APC2: variants seen among roughly 807,000 people sequenced by gnomAD.
APC2 encodes the protein APC regulator of Wnt signaling pathway 2.
In APC2, 41 loss-of-function variants were observed where a neutral mutation model predicts 72.5. The observed-to-expected ratio is 0.57, with a 90% CI of 0.44 to 0.73. The LOEUF is 0.73. Ranked by LOEUF, APC2 falls within the 30% of genes least tolerant of loss-of-function variation. The probability of loss-of-function intolerance (pLI) is 0.00; values close to 1 mark genes in which losing one functional copy is unlikely to be tolerated. For synonymous variants in APC2, 1,898 were observed against 1,612.0 expected (o/e 1.18, Z -4.25); for missense variants, 3,729 against 3,403.4 (o/e 1.10, Z -2.38).
chr19:1,456,763 G>T, intron 8 of APC2, 90 bp from the exon 9 acceptor site: 1 of 1,453,672 alleles, frequency 6.9e-7, no homozygotes, highest in South Asian at 1.3e-5. Context: ...TGCCCTTGGG[G>T]ACGGGGCAGG....
intron 6 of APC2, 135 bp downstream of exon 6, chr19:1,455,635 C>T (rs2083811289): frequency 1.1e-6 from 1 of 883,204 alleles, no homozygotes; most frequent in South Asian, 1.6e-5. Context: ...GGCGCGGGTT[C>T]TGGTTCAGGA....
chr19:1,453,377 T>C (rs1569138709), intron 3 of APC2, 40 bp downstream of exon 3: 2 of 1,610,860 alleles, frequency 1.2e-6, no homozygotes, highest in Admixed American at 1.7e-5. Context: ...TGGGGGAGGC[T>C]GGGGGGAAAG....
chr19:1,461,182 T>G lies in APC2; in HGVS notation c.1638+29T>G, dbSNP rs2083917080. 3.8e-6 allele frequency: 6 copies of G among 1,577,950 alleles called. No individual in the cohort carries two copies. In the East Asian group the frequency reaches 1.3e-4, roughly 35 times the overall value. ...GGCACCCGGTGGGCGGCAGGGATGC[T>G]TCTTCAGTCACTGGAAGGAGACTGC... is the stretch of plus-strand genomic sequence containing the variant. On this transcript the variant is annotated intron_variant, in intron 13 of 14. Coordinates refer to ENST00000590469, the MANE Select transcript of APC2 (RefSeq NM_005883.3).
intron 9 of APC2, chr19:1,457,746 GC>G: frequency 1.7e-6 from 1 of 598,388 alleles, no homozygotes; most frequent in Non-Finnish European, 3.0e-6. Context: ...AAGGTGTGGT[GC>G]TCCAGGAACT....
intron 14 of APC2, among the ~76,000 whole-genome samples, chr19:1,463,144 G>A (rs773896023): frequency 1.1e-4 from 16 of 150,614 alleles, no homozygotes; most frequent in Non-Finnish European, 1.6e-4. Flanking sequence ...GGTGTGGGCC[G>A]GGCGTGGTGG....
At chr19:1,460,981 G>A in intron 12 of APC2, 56 bp from the exon 13 acceptor site, 1 of 1,603,584 alleles carries the variant, frequency 6.2e-7, no homozygotes, top group Non-Finnish European at 8.5e-7. Flanking sequence ...CATTTGCTGG[G>A]GGGTTTGGGG....
At chr19:1,463,498 G>T (rs2083959056) in intron 14 of APC2, among the ~76,000 whole-genome samples, 1 of 151,038 alleles carries the variant, frequency 6.6e-6, no homozygotes. Context: ...CAGGAGAATT[G>T]CTTGAGTCTG....
Position 1,466,584 on chromosome 19 carries a change from T to A in APC2, c.3283T>A (p.Ser1095Thr). 6.4e-7 allele frequency: 1 copy of A among 1,571,740 alleles called. No individual in the cohort carries two copies. Among genetic ancestry groups the A allele is most frequent in the Non-Finnish European group, 8.6e-7 (1 of 1,166,214 alleles). The change falls in exon 15 of 15, where the codon TCC (serine) becomes ACC (threonine). Residue 1095 changes from serine to threonine, a missense_variant. Coordinates refer to ENST00000590469, the MANE Select transcript of APC2 (RefSeq NM_005883.3). The part of the protein sequence containing the change: ...SEGGDLDDSD[S>T]SLEGLEEAGP... ...GGGTGGTGACCTGGATGACAGTGAC[T>A]CCTCCCTGGAGGGGCTGGAGGAGGC...
In APC2 at chr19:1,460,293, C is replaced by T. The variant is rs2083902318; in HGVS notation, c.1416C>T (p.Asn472=). 6.2e-7 allele frequency: 1 copy of T among 1,613,502 alleles called. No individual in the cohort carries two copies. The highest frequency in any genetic ancestry group is 2.2e-5 in the East Asian group (1 of 44,880). Residue 472 remains asparagine (N), a synonymous_variant, in exon 11 of 15, where the codon AAC becomes AAT. Coordinates refer to ENST00000590469, the MANE Select transcript of APC2 (RefSeq NM_005883.3). ...GCTACGCGGGCATGACCCTCACCAA[C>T]CTCACCTTTGGGGACGTTGCCAACA... The part of the protein sequence containing the change: ...LRRYAGMTLT[N]LTFGDVANKA...
rs781675307 is a variant in APC2, at chr19:1,466,273, G to T, written c.2972G>T (p.Arg991Leu). 53 of 1,525,080 alleles carry T rather than the reference G, an allele frequency of 3.5e-5. No individual in the cohort carries two copies. In the South Asian group the frequency reaches 6.3e-4, roughly 18 times the overall value. The allele number at this position is 1,525,080 out of a possible 1,614,324, so 94.5% of individuals were successfully genotyped here. The change falls in exon 15 of 15, where the codon CGC becomes CTC. Residue 991 changes from arginine (R) to leucine (L), a missense_variant. Coordinates refer to ENST00000590469, the MANE Select transcript of APC2 (RefSeq NM_005883.3). ...GCCACCTCCGCCGACGCCCGCGTGC[G>T]CACCATCAAGCTGTCGCCTACCTAT... is the stretch of plus-strand genomic sequence containing the variant. Reference protein sequence around the residue: ...REATSADARVRTIKLSPTYQH... With the variant: ...REATSADARVLTIKLSPTYQH...
In APC2 at chr19:1,466,404, C is replaced by T; in HGVS notation, c.3103C>T (p.His1035Tyr). The T allele has an allele frequency of 1.3e-6, 2 of 1,594,562 alleles. No homozygotes were observed. The highest frequency in any genetic ancestry group is 1.1e-5 in the South Asian group (1 of 90,614). The change falls in exon 15 of 15, where the codon CAC becomes TAC. Residue 1035 changes from histidine to tyrosine, a missense_variant. By Grantham distance (83) the His-to-Tyr change is moderately conservative (BLOSUM62 2). Coordinates refer to ENST00000590469, the MANE Select transcript of APC2 (RefSeq NM_005883.3). ...ARKQAWLPAD[H>Y]LSKVPEKLAA... ...GAAGCAGGCCTGGCTGCCGGCAGACCACCTGAGCAAGGTTCCCGAGAAGCT... is the reference window on the plus strand; with the variant it reads ...GAAGCAGGCCTGGCTGCCGGCAGACTACCTGAGCAAGGTTCCCGAGAAGCT...
In APC2 at chr19:1,471,069, T is replaced by C. The variant is rs1293703691; in HGVS notation, c.*856T>C. ...CGACCCCAAGGGTCGCTGGAGTCAGTATCGGCCCGGCGCAGCCGCGGCGGG... is the reference window on the plus strand; with the variant it reads ...CGACCCCAAGGGTCGCTGGAGTCAGCATCGGCCCGGCGCAGCCGCGGCGGG... On this transcript the variant is annotated 3_prime_UTR_variant, in exon 15 of 15. Transcript: ENST00000590469. The C allele has an allele frequency of 6.6e-6, 1 of 151,320 alleles. No homozygotes were observed. Among genetic ancestry groups the C allele is most frequent in the African/African-American group, 2.4e-5 (1 of 41,134 alleles). 9.4% of individuals were successfully genotyped at this position (151,320 alleles called of 1,614,324 possible).
intron 6 of APC2, 150 bp from the exon 7 acceptor site, chr19:1,455,926 G>A: frequency 6.4e-6 from 1 of 156,064 alleles, no homozygotes; most frequent in South Asian, 7.5e-5. Context: ...GCTGGATCAG[G>A]GAGAAGGCAG....
rs1253855892 is a variant in APC2, at chr19:1,467,605, C to T, written c.4304C>T (p.Ala1435Val). ...AGACCCACCGGCCGCCCCACCTCTG[C>T]CAGACAGGCCATGGGGCACCGGCAC... The part of the protein sequence containing the change: ...RQRPTGRPTS[A>V]RQAMGHRHKA... Residue 1435 changes from alanine to valine, a missense_variant, in exon 15 of 15, where the codon GCC (alanine) becomes GTC (valine). Coordinates refer to ENST00000590469, the MANE Select transcript of APC2 (RefSeq NM_005883.3). The T allele has an allele frequency of 6.6e-7, 1 of 1,508,456 alleles. No individual in the cohort carries two copies. The highest frequency in any genetic ancestry group is 2.6e-5 in the East Asian group (1 of 37,984). The allele number at this position is 1,508,456 out of a possible 1,614,324, so 93.4% of individuals were successfully genotyped here. A position where few individuals can be genotyped will look rare whatever the true frequency, so the allele number is the denominator to read the frequency against.
Position 1,465,977 on chromosome 19 carries a change from C to T in APC2, c.2676C>T (p.Cys892=). 1.3e-6 allele frequency: 2 copies of T among 1,538,750 alleles called. No homozygotes were observed. The highest frequency in any genetic ancestry group is 1.7e-6 in the Non-Finnish European group (2 of 1,152,146). The part of the protein sequence containing the change: ...EAPREGRAQS[C]SPCRGPEGGR... ...CACGGGAGGGCCGCGCCCAGTCCTG[C>T]TCGCCATGCCGCGGCCCGGAGGGCG... Residue 892 remains cysteine (C), a synonymous_variant, in exon 15 of 15, where the codon TGC becomes TGT. Coordinates refer to ENST00000590469, the MANE Select transcript of APC2 (RefSeq NM_005883.3).
chr19:1,456,704 G>T, intron 8 of APC2, 149 bp from the exon 9 acceptor site: 1 of 1,089,736 alleles, frequency 9.2e-7, no homozygotes, highest in Non-Finnish European at 1.3e-6. Context: ...CGAAGCACGT[G>T]TGCAGCCTCC....
chr19:1,470,035 T>G lies in APC2; in HGVS notation c.6734T>G (p.Val2245Gly), dbSNP rs1420809529. 6.4e-7 allele frequency: 1 copy of G among 1,565,866 alleles called. No individual in the cohort carries two copies. The highest frequency in any genetic ancestry group is 8.6e-7 in the Non-Finnish European group (1 of 1,161,208). Residue 2245 changes from valine to glycine, a missense_variant, in exon 15 of 15, where the codon GTG becomes GGG. By Grantham distance (109) the Val-to-Gly change is moderately radical. Transcript: ENST00000590469. ...AAGGCTCCCATCTCCGCACCCTTCGTGCACGAGGGCCTGGGGGTCGCCGTG... is the reference window on the plus strand; with the variant it reads ...AAGGCTCCCATCTCCGCACCCTTCGGGCACGAGGGCCTGGGGGTCGCCGTG... ...LAKAPISAPF[V>G]HEGLGVAVGG...
At position 1,468,806 on chromosome 19, in the gene APC2, C is replaced by G; in HGVS notation, c.5505C>G (p.Pro1835=). 1 of 1,534,130 alleles carries G rather than the reference C, an allele frequency of 6.5e-7. No homozygotes were observed. Among genetic ancestry groups the G allele is most frequent in the Non-Finnish European group, 8.7e-7 (1 of 1,144,084 alleles). ...QPAAPAKVPS[P]GQQRSRSLHR... is the part of the protein sequence containing the mutation. ...CGGCTCCAGCCAAAGTCCCGAGCCC[C>G]GGGCAGCAGCGGTCGCGGAGCCTAC... The change falls in exon 15 of 15, where the codon CCC becomes CCG. Residue 1835 remains proline, a synonymous_variant. Transcript: ENST00000590469.
At position 1,465,701 on chromosome 19, in the gene APC2, C is replaced by G. The variant is rs754362259; in HGVS notation, c.2400C>G (p.Ala800=). ...AAATGEPASP[A]ALSLFLGSPF... ...CCACCGGGGAGCCAGCCAGCCCTGC[C>G]GCGCTGTCCCTCTTCCTGGGCAGCC... The change falls in exon 15 of 15, where the codon GCC becomes GCG. Residue 800 remains alanine, a synonymous_variant. Transcript: ENST00000590469. 6.3e-7 allele frequency: 1 copy of G among 1,583,296 alleles called. No homozygotes were observed. Among genetic ancestry groups the G allele is most frequent in the East Asian group, 2.3e-5 (1 of 43,012 alleles).
Sources: allele counts gnomAD v4.1 joint callset (sites outside exome capture counted in the v4.1 genomes callset), GRCh38; gene constraint gnomAD v4.1.1; transcripts MANE v1.5; gene names NCBI Gene and HGNC (gene_info 2026-07-23, HGNC 2026-07-21).